Variants in PCGF5 observed in about 807,000 individuals in gnomAD.
The protein encoded by PCGF5 is polycomb group RING finger protein 5.
A neutral mutation model predicts 44.3 loss-of-function variants in PCGF5; 9 were observed. The observed-to-expected ratio is 0.20, with a 90% CI of 0.12 to 0.35. The LOEUF (loss-of-function observed/expected upper bound fraction) is 0.35. PCGF5 is among the 10% of genes least tolerant of loss of function. The probability of loss-of-function intolerance (pLI) is 1.00; values close to 1 mark genes in which losing one functional copy is unlikely to be tolerated. For synonymous variants in PCGF5, 95 were observed against 102.5 expected, an observed-to-expected ratio of 0.93 and a Z score of 0.44; for missense variants, 146 against 305.3, an observed-to-expected ratio of 0.48 and a Z score of 3.89.
intron 1 of PCGF5, among the ~76,000 whole-genome samples, chr10:91,173,219 A>G (rs1316472116): frequency 6.6e-6 from 1 of 152,250 alleles, no homozygotes; most frequent in Non-Finnish European, 1.5e-5. Flanking sequence ...GAATAAAACA[A>G]CAAAGATGAC....
chr10:91,224,776 G>A (rs1844771993), intron 2 of PCGF5, among the ~76,000 whole-genome samples: 1 of 152,140 alleles, frequency 6.6e-6, no homozygotes, highest in South Asian at 2.1e-4. Context: ...AAAGATTATA[G>A]GGCCTCCAAC....
intron 1 of PCGF5, among the ~76,000 whole-genome samples, chr10:91,178,518 T>C (rs769075213): frequency 2.0e-5 from 3 of 151,772 alleles, no homozygotes; most frequent in South Asian, 2.1e-4. Context: ...GCCTCCAAAG[T>C]AGCTGGAACC....
chr10:91,257,829 A>G (rs766274718), intron 6 of PCGF5, among the ~76,000 whole-genome samples: 11 of 152,138 alleles, frequency 7.2e-5, no homozygotes, highest in Non-Finnish European at 1.5e-4. Context: ...AGAATTGAAA[A>G]CATGTTCACA....
At chr10:91,156,721 AACC>A in the PCGF5 span, among the ~76,000 whole-genome samples, 1 of 152,192 alleles carries the variant, frequency 6.6e-6, no homozygotes, top group Non-Finnish European at 1.5e-5. Context: ...AAGAACCCCT[AACC>A]ATCCTTCCTA....
chr10:91,207,510 G>A (rs974287771), intron 1 of PCGF5, among the ~76,000 whole-genome samples: 1 of 151,978 alleles, frequency 6.6e-6, no homozygotes, highest in Non-Finnish European at 1.5e-5. Flanking sequence ...AATACTTCAG[G>A]TTGTATCACC....
At chr10:91,220,459 C>T (rs1269440584), upstream of PCGF5, 2 of 152,818 alleles carry the variant, frequency 1.3e-5, no homozygotes, top group Non-Finnish European at 2.9e-5. Context: ...TTGGCCAGAG[C>T]TACGTGTAGC....
At chr10:91,206,753 C>G (rs1377779688) in intron 1 of PCGF5, among the ~76,000 whole-genome samples, 3 of 152,158 alleles carry the variant, frequency 2.0e-5, no homozygotes, top group Non-Finnish European at 4.4e-5. Context: ...TGCACCTAAG[C>G]ATGATCCTGC....
chr10:91,159,144 G>C, upstream of PCGF5, among the ~76,000 whole-genome samples: 1 of 152,174 alleles, frequency 6.6e-6, no homozygotes, highest in Middle Eastern at 3.2e-3. Context: ...AGCATCATAA[G>C]ACATAGCTTC....
chr10:91,170,788 G>A (rs779988761), intron 1 of PCGF5, among the ~76,000 whole-genome samples: 8 of 152,120 alleles, frequency 5.3e-5, no homozygotes, highest in Non-Finnish European at 1.0e-4. Flanking sequence ...GAAAACTTGT[G>A]GCCACACAGA....
the PCGF5 span, among the ~76,000 whole-genome samples, chr10:91,156,243 TATA>T: frequency 6.6e-6 from 1 of 152,040 alleles, no homozygotes; most frequent in African/African-American, 2.4e-5. Flanking sequence ...AAGGCAGAAA[TATA>T]ATAATTCATG....
Position 91,222,869 on chromosome 10 carries a change from C to T in PCGF5, c.-3C>T, listed in dbSNP as rs1844719547. The T allele has an allele frequency of 6.3e-7, 1 of 1,583,370 alleles. No individual in the cohort carries two copies. Among genetic ancestry groups the T allele is most frequent in the Non-Finnish European group, 8.7e-7 (1 of 1,152,174 alleles). On this transcript the variant is annotated 5_prime_UTR_variant, in exon 2 of 10. In the 5' UTR this introduces an upstream ATG that the reference lacks. Coordinates refer to ENST00000336126, the MANE Select transcript of PCGF5 (RefSeq NM_032373.5). ...TACTAAAGCCAGTCTTCACTAGCCA[C>T]GAATGGCTACCCAAAGGAAACACTT...
chr10:91,279,742 G>A lies in PCGF5; in HGVS notation c.*1426G>A, dbSNP rs1589417317. On this transcript the variant is annotated 3_prime_UTR_variant, in exon 10 of 10. Coordinates refer to ENST00000336126, the MANE Select transcript of PCGF5 (RefSeq NM_032373.5). ...AGGAAAAATATTTGAGAAATATGAC[G>A]AGCACAATCTGTGTGTTACACACAT... 1 of 152,036 alleles carries A rather than the reference G, an allele frequency of 6.6e-6. No individual in the cohort carries two copies. Among genetic ancestry groups the A allele is most frequent in the Non-Finnish European group, 1.5e-5 (1 of 67,942 alleles). 9.4% of individuals were successfully genotyped at this position (152,036 alleles called of 1,614,324 possible).
At position 91,280,131 on chromosome 10, in the gene PCGF5, G is replaced by GA. The variant is rs1233109221; in HGVS notation, c.*1821dup. The GA allele has an allele frequency of 6.6e-5, 10 of 151,924 alleles. No individual in the cohort carries two copies. The allele number at this position is 151,924 out of a possible 1,614,324, so 9.4% of individuals were successfully genotyped here. ...AGATTTTCATTAACTATAAATGGCT[G>GA]AAAAAACTGAATTTACTATCTAGCT... is the stretch of plus-strand genomic sequence containing the variant. On this transcript the variant is annotated 3_prime_UTR_variant, in exon 10 of 10. Transcript: ENST00000336126.
chr10:91,182,743 T>A (rs955565031), intron 1 of PCGF5, among the ~76,000 whole-genome samples: 2 of 152,224 alleles, frequency 1.3e-5, no homozygotes, highest in Admixed American at 6.5e-5. Flanking sequence ...TTACATTGTA[T>A]CTTTGCTTTC....
intron 1 of PCGF5, among the ~76,000 whole-genome samples, chr10:91,199,240 G>C (rs1416991170): frequency 6.6e-6 from 1 of 152,168 alleles, no homozygotes; most frequent in Non-Finnish European, 1.5e-5. Context: ...TGGGTTCCCT[G>C]GGAAGCTGAC....
At chr10:91,224,318 A>G (rs767848315) in intron 2 of PCGF5, among the ~76,000 whole-genome samples, 10 of 152,150 alleles carry the variant, frequency 6.6e-5, no homozygotes, top group Non-Finnish European at 1.2e-4. Context: ...TTGTATTACT[A>G]GTTTGCTGTT....
rs1171407102 is a variant in PCGF5, at chr10:91,260,285, G to A, written c.475-1041G>A. Reference sequence around the variant, plus strand: ...ATACCATCTCACACCAGTTAGAATGGCCATCATTAAAAAGTCAGGAAACAA... The same window carrying A: ...ATACCATCTCACACCAGTTAGAATGACCATCATTAAAAAGTCAGGAAACAA... On this transcript the variant is annotated intron_variant, in intron 6 of 9. Coordinates refer to ENST00000336126, the MANE Select transcript of PCGF5 (RefSeq NM_032373.5). Among the ~76,000 whole-genome samples, 13 of 152,134 alleles carry A rather than the reference G, an allele frequency of 8.5e-5. No homozygotes were observed. In the East Asian group the frequency reaches 1.9e-3, roughly 23 times the overall value.
At chr10:91,197,137 G>A (rs117770123) in intron 1 of PCGF5, among the ~76,000 whole-genome samples, 140 of 152,310 alleles carry the variant, frequency 9.2e-4, no homozygotes, top group Non-Finnish European at 1.9e-3. Flanking sequence ...TCAAACAACA[G>A]TAATCATTTA....
intron 6 of PCGF5, among the ~76,000 whole-genome samples, chr10:91,253,186 TTAAC>T (rs1845663151): frequency 1.3e-5 from 2 of 152,034 alleles, no homozygotes; most frequent in African/African-American, 4.8e-5. Flanking sequence ...AAAGGATTTT[TTAAC>T]TTTTATTTTA....
Sources: allele counts gnomAD v4.1 joint callset (sites outside exome capture counted in the v4.1 genomes callset), GRCh38; gene constraint gnomAD v4.1.1; transcripts MANE v1.5; gene names NCBI Gene and HGNC (gene_info 2026-07-23, HGNC 2026-07-21).